The following SCN1A variants were observed in gnomAD, a reference collection of about 807,000 sequenced individuals.
SCN1A encodes the protein sodium voltage-gated channel alpha subunit 1.
A neutral mutation model predicts 193.7 loss-of-function variants in SCN1A; 13 were observed. The observed-to-expected ratio is 0.07, with a 90% CI of 0.04 to 0.11. The LOEUF is 0.11. Ranked by LOEUF, SCN1A falls within the 10% of genes least tolerant of loss-of-function variation. The pLI is 1.00. For synonymous variants in SCN1A, 781 were observed against 843.6 expected, an observed-to-expected ratio of 0.93 and a Z score of 1.29; for missense variants, 1,432 against 2,451.1, an observed-to-expected ratio of 0.58 and a Z score of 8.78.
chr2:166,036,074 C>T lies in SCN1A; in HGVS notation c.3403G>A (p.Glu1135Lys). 6.2e-7 allele frequency: 1 copy of T among 1,613,844 alleles called. No individual in the cohort carries two copies. The highest frequency in any genetic ancestry group is 8.5e-7 in the Non-Finnish European group (1 of 1,179,906). Reference sequence around the variant, plus strand: ...TCTTTGCTTTCTTCCAGATCCGATTCACTACTAAAGTCTTCCGTGTTTAAA... The same window carrying T: ...TCTTTGCTTTCTTCCAGATCCGATTTACTACTAAAGTCTTCCGTGTTTAAA... ...ENLNTEDFSS[E>K]SDLEESKEKL... The change falls in exon 19 of 29, where the codon GAA becomes AAA. Residue 1135 changes from glutamate (E) to lysine (K), a missense_variant. Coordinates refer to ENST00000674923, the MANE Select transcript of SCN1A (RefSeq NM_001165963.4).
chr2:166,073,334 A>T (rs560953662), intron 4 of SCN1A, 24 bp downstream of exon 4: 1 of 1,612,788 alleles, frequency 6.2e-7, no homozygotes, highest in South Asian at 1.1e-5. Context: ...TAGCAGCAAA[A>T]TATGCCTGAT....
chr2:166,042,541 A>C, intron 14 of SCN1A, 117 bp from the exon 15 acceptor site: 1 of 898,272 alleles, frequency 1.1e-6, no homozygotes, highest in Non-Finnish European at 1.8e-6. Context: ...TTTCATATTC[A>C]ATTGGTGATG....
At chr2:166,113,308 T>A (rs1689497384) in intron 2 of SCN1A, among the ~76,000 whole-genome samples, 3 of 152,048 alleles carry the variant, frequency 2.0e-5, no homozygotes, top group Admixed American at 2.0e-4. Context: ...AAATTTAGAA[T>A]CTAAGTACTT....
Position 166,013,733 on chromosome 2 carries a change from A to C in SCN1A, c.3705+11T>G, listed in dbSNP as rs1559148529. On this transcript the variant is annotated intron_variant, in intron 21 of 28. Coordinates refer to ENST00000674923, the MANE Select transcript of SCN1A (RefSeq NM_001165963.4). ...ATTAGTGCTGTATCACCTTTTCTTA[A>C]TCTCACTCACCAGAGCACCACTACT... 1 of 1,610,750 alleles carries C rather than the reference A, an allele frequency of 6.2e-7. No homozygotes were observed. The highest frequency in any genetic ancestry group is 8.5e-7 in the Non-Finnish European group (1 of 1,177,776).
In SCN1A at chr2:166,042,323, A is replaced by G. The variant is rs772751252; in HGVS notation, c.2145T>C (p.Ser715=). The change falls in exon 15 of 29, where the codon AGT becomes AGC. Residue 715 remains serine, a synonymous_variant. Transcript: ENST00000674923. ...EDPSQRQRAM[S]IASILTNTVE... is the part of the protein sequence containing the mutation. The stretch of plus-strand genomic sequence containing the variant: ...CTGTATTTGTTAGAATGCTGGCTAT[A>G]CTCATTGCTCGTTGCCTTTGGGAAG... 2.5e-6 allele frequency: 4 copies of G among 1,613,936 alleles called. No homozygotes were observed. The highest frequency in any genetic ancestry group is 3.4e-6 in the Non-Finnish European group (4 of 1,179,880).
intron 19 of SCN1A, among the ~76,000 whole-genome samples, chr2:166,030,525 TAACTC>T (rs1395683350): frequency 6.6e-6 from 1 of 152,194 alleles, no homozygotes; most frequent in East Asian, 1.9e-4. Flanking sequence ...ACAACTTTAA[TAACTC>T]AATTTATTTA....
chr2:166,087,680 C>A (rs1686294870), intron 2 of SCN1A, among the ~76,000 whole-genome samples: 1 of 152,094 alleles, frequency 6.6e-6, no homozygotes, highest in Non-Finnish European at 1.5e-5. Flanking sequence ...AATTACCCAG[C>A]CTCAGATATT....
chr2:166,140,203 C>T (rs1692024067), intron 1 of SCN1A, among the ~76,000 whole-genome samples: 1 of 152,058 alleles, frequency 6.6e-6, no homozygotes, highest in African/African-American at 2.4e-5. Context: ...CTAATCTTAC[C>T]ATAAGGCCAT....
chr2:166,073,256 T>C, intron 4 of SCN1A, 102 bp downstream of exon 4: 2 of 1,364,362 alleles, frequency 1.5e-6, no homozygotes, highest in Non-Finnish European at 2.0e-6. Context: ...AACAGAAGGA[T>C]ACTTAAGATT....
chr2:166,027,218 A>G (rs982611972), intron 19 of SCN1A: 1 of 152,180 alleles, frequency 6.6e-6, no homozygotes, highest in African/African-American at 2.4e-5. Context: ...CTTAATAACT[A>G]CAACCCTGAT....
intron 2 of SCN1A, among the ~76,000 whole-genome samples, chr2:166,098,269 C>T (rs544250548): frequency 4.1e-4 from 62 of 152,222 alleles, no homozygotes; most frequent in African/African-American, 1.4e-3. Context: ...AAACAAAAAA[C>T]CACATGATCA....
At position 165,996,126 on chromosome 2, in the gene SCN1A, A is replaced by G. The variant is rs1243376842; in HGVS notation, c.4477-9T>C. The G allele has an allele frequency of 6.5e-7, 1 of 1,531,352 alleles. No individual in the cohort carries two copies. The highest frequency in any genetic ancestry group is 1.1e-5 in the South Asian group (1 of 89,042). The allele number at this position is 1,531,352 out of a possible 1,614,324, so 94.9% of individuals were successfully genotyped here. ...ATGTCTTGACCTCCAAAGTATAGAA[A>G]AGAAAAATCAAACTGGTTAAAACTG... On this transcript the variant is annotated splice_polypyrimidine_tract_variant and intron_variant, in intron 26 of 28. Transcript: ENST00000674923.
In SCN1A at chr2:165,991,906, C is replaced by G. The variant is rs1162816486; in HGVS notation, c.5369G>C (p.Ser1790Thr). 2 of 1,613,866 alleles carry G rather than the reference C, an allele frequency of 1.2e-6. No homozygotes were observed. The highest frequency in any genetic ancestry group is 1.7e-6 in the Non-Finnish European group (2 of 1,179,954). The change falls in exon 29 of 29, where the codon AGT (serine) becomes ACT (threonine). Residue 1790 changes from serine to threonine, a missense_variant. Around this residue, in one of 18 missense-constraint regions of SCN1A, gnomAD observed 59 missense variants for 110.6 expected, o/e 0.53. Coordinates refer to ENST00000674923, the MANE Select transcript of SCN1A (RefSeq NM_001165963.4). ...CTCTGCACTTTCTTCAGTAGCAACA[C>G]TGAAGTTCTCCAGGATGACCGCGAT... ...MYIAVILENF[S>T]VATEESAEPL...
intron 2 of SCN1A, among the ~76,000 whole-genome samples, chr2:166,109,064 A>C (rs1014909624): frequency 6.6e-6 from 1 of 152,198 alleles, no homozygotes; most frequent in African/African-American, 2.4e-5. Context: ...AGAACTTTAC[A>C]GAAATAATAA....
intron 19 of SCN1A, among the ~76,000 whole-genome samples, chr2:166,020,557 A>G (rs1261703504): frequency 6.6e-6 from 1 of 152,208 alleles, no homozygotes; most frequent in Non-Finnish European, 1.5e-5. Flanking sequence ...AATTTACACT[A>G]TTCTAAAATA....
chr2:166,087,232 T>A (rs1686236662), intron 2 of SCN1A, among the ~76,000 whole-genome samples: 1 of 150,764 alleles, frequency 6.6e-6, no homozygotes, highest in South Asian at 2.1e-4. Context: ...TTTGGGAGGC[T>A]GAGGTGGGTG....
At chr2:166,094,318 G>A (rs1687145502) in intron 2 of SCN1A, among the ~76,000 whole-genome samples, 1 of 152,156 alleles carries the variant, frequency 6.6e-6, no homozygotes, top group African/African-American at 2.4e-5. Flanking sequence ...TGAGTTGAGT[G>A]GTTGAAAGTG....
At position 165,991,311 on chromosome 2, in the gene SCN1A, C is replaced by T; in HGVS notation, c.5964G>A (p.Arg1988=). ...GTTTTTCCACAATTGGCTTTGTCAC[C>T]CGGTCATAGGAAGGTGGACAAGCTG... The part of the protein sequence containing the change: ...STAACPPSYD[R]VTKPIVEKHE... The change falls in exon 29 of 29, where the codon CGG becomes CGA. Residue 1988 remains arginine (R), a synonymous_variant. Transcript: ENST00000674923. The T allele has an allele frequency of 6.2e-7, 1 of 1,613,402 alleles. No individual in the cohort carries two copies. The highest frequency in any genetic ancestry group is 8.5e-7 in the Non-Finnish European group (1 of 1,179,792).
At chr2:166,041,772 G>C (rs1407371857) in intron 15 of SCN1A, among the ~76,000 whole-genome samples, 1 of 152,314 alleles carries the variant, frequency 6.6e-6, no homozygotes, top group South Asian at 2.1e-4. Flanking sequence ...TGGGAACATG[G>C]TTTAGGGTGG....
Sources: allele counts gnomAD v4.1 joint callset (sites outside exome capture counted in the v4.1 genomes callset), GRCh38; gene constraint gnomAD v4.1.1; regional missense constraint gnomAD v4.1.1; transcripts MANE v1.5; gene names NCBI Gene and HGNC (gene_info 2026-07-23, HGNC 2026-07-21).